The following STK39 variants were observed in gnomAD, a reference collection of about 807,000 sequenced individuals.
The protein encoded by STK39 is STE20/SPS1-related proline-alanine-rich protein kinase.
A neutral mutation model predicts 77.8 loss-of-function variants in STK39; 20 were observed. That is an observed-to-expected ratio of 0.26 (90% CI 0.18 to 0.37). The LOEUF (loss-of-function observed/expected upper bound fraction) is 0.37, where lower values mean the gene tolerates loss of function less well. Ranked by LOEUF, STK39 falls within the 10% of genes least tolerant of loss-of-function variation. STK39 has a pLI of 1.00. For missense variants in STK39, 479 were observed against 656.5 expected (o/e 0.73, Z 2.95); for synonymous variants, 246 against 234.1 (o/e 1.05, Z -0.47).
intron 16 of STK39, among the ~76,000 whole-genome samples, chr2:167,983,477 A>G (rs865862255): frequency 7.6e-6 from 1 of 130,784 alleles, no homozygotes; most frequent in African/African-American, 2.9e-5. Context: ...AAAAGAAATG[A>G]AAGGAAGGAA....
intron 1 of STK39, among the ~76,000 whole-genome samples, chr2:168,230,005 C>A (rs953602099): frequency 6.6e-6 from 1 of 152,144 alleles, no homozygotes; most frequent in African/African-American, 2.4e-5. Flanking sequence ...ACTATAACAA[C>A]GAGAGTGTAC....
intron 2 of STK39, among the ~76,000 whole-genome samples, chr2:168,167,765 A>G (rs138877514): frequency 5.3e-5 from 8 of 152,252 alleles, no homozygotes; most frequent in Admixed American, 3.3e-4. Flanking sequence ...GAGATAAAAG[A>G]CTGGGTGAGT....
At chr2:168,184,534 C>A (rs1270747838) in intron 1 of STK39, among the ~76,000 whole-genome samples, 3 of 151,980 alleles carry the variant, frequency 2.0e-5, no homozygotes, top group East Asian at 3.9e-4. Context: ...GTCCAACCCA[C>A]CCCCTCACTT....
chr2:168,203,928 GACGTGATACTGAGACTGAAC>G (rs1689675761), intron 1 of STK39, among the ~76,000 whole-genome samples: 1 of 152,186 alleles, frequency 6.6e-6, no homozygotes, highest in African/African-American at 2.4e-5. Flanking sequence ...AAATGGTGTT[GACGTGATACTGAGACTGAAC>G]ACCCTGGAAT....
intron 2 of STK39, among the ~76,000 whole-genome samples, chr2:168,169,652 G>GTGTGTGTGTGTGTGTGTGTA: frequency 6.6e-6 from 1 of 152,028 alleles, no homozygotes; most frequent in South Asian, 2.1e-4. Flanking sequence ...GTGTGTGTGT[G>GTGTGTGTGTGTGTGTGTGTA]TGTGTGTGTA....
chr2:168,025,357 T>A (rs1016408609), intron 14 of STK39, among the ~76,000 whole-genome samples: 4 of 152,326 alleles, frequency 2.6e-5, no homozygotes, highest in East Asian at 1.9e-4. Context: ...TACATTTCCC[T>A]TCCTTAGCTC....
chr2:168,212,064 TA>T (rs1178907042), intron 1 of STK39, among the ~76,000 whole-genome samples: 1 of 152,172 alleles, frequency 6.6e-6, no homozygotes, highest in Non-Finnish European at 1.5e-5. Flanking sequence ...ATGGCACCTT[TA>T]AAAAATATCT....
chr2:168,036,964 A>G (rs1347638327), intron 14 of STK39, among the ~76,000 whole-genome samples: 2 of 152,256 alleles, frequency 1.3e-5, no homozygotes, highest in Non-Finnish European at 2.9e-5. Flanking sequence ...CGTTCAGAAT[A>G]ACCTAATTTC....
chr2:168,192,516 G>A (rs373851421), intron 1 of STK39, among the ~76,000 whole-genome samples: 2 of 151,898 alleles, frequency 1.3e-5, no homozygotes, highest in African/African-American at 4.8e-5. Context: ...TCCAAACCCC[G>A]CCCCATTCCA....
chr2:168,243,351 G>T (rs958472888), intron 1 of STK39, among the ~76,000 whole-genome samples: 2 of 152,176 alleles, frequency 1.3e-5, no homozygotes, highest in African/African-American at 4.8e-5. Flanking sequence ...TGAGTAAAAC[G>T]CACCTGAATG....
intron 2 of STK39, among the ~76,000 whole-genome samples, chr2:168,175,788 G>T (rs1036967271): frequency 6.6e-5 from 10 of 152,116 alleles, no homozygotes; most frequent in African/African-American, 2.4e-4. Context: ...TAGTTACAAA[G>T]CTAAGTTGCA....
chr2:168,232,606 T>C (rs1456053381), intron 1 of STK39, among the ~76,000 whole-genome samples: 1 of 152,142 alleles, frequency 6.6e-6, no homozygotes, highest in Non-Finnish European at 1.5e-5. Flanking sequence ...CTATTTCCAA[T>C]GGGCTTTAAG....
chr2:168,204,259 G>A (rs988722008), intron 1 of STK39, among the ~76,000 whole-genome samples: 1 of 152,154 alleles, frequency 6.6e-6, no homozygotes, highest in Non-Finnish European at 1.5e-5. Flanking sequence ...CCGTGGGACA[G>A]GCACCTTAAG....
At chr2:168,227,096 A>G (rs776681644) in intron 1 of STK39, among the ~76,000 whole-genome samples, 39 of 152,208 alleles carry the variant, frequency 2.6e-4, no homozygotes, top group Non-Finnish European at 5.0e-4. Context: ...ATATATATAT[A>G]TTACTTTGAA....
intron 14 of STK39, among the ~76,000 whole-genome samples, chr2:168,035,078 T>C (rs1370704395): frequency 6.6e-6 from 1 of 152,280 alleles, no homozygotes; most frequent in East Asian, 1.9e-4. Flanking sequence ...TCAAAGTTGG[T>C]CGTTAATGAT....
chr2:168,198,917 T>G (rs1442375203), intron 1 of STK39, among the ~76,000 whole-genome samples: 3 of 152,260 alleles, frequency 2.0e-5, no homozygotes, highest in Admixed American at 6.5e-5. Context: ...GAGATTACTA[T>G]ACTGTATTCT....
intron 10 of STK39, among the ~76,000 whole-genome samples, chr2:168,090,291 T>C (rs1559092146): frequency 6.6e-6 from 1 of 151,396 alleles, no homozygotes; most frequent in African/African-American, 2.4e-5. Flanking sequence ...GATACATTTG[T>C]TGAATGAATG....
chr2:167,990,516 T>C (rs376694792), intron 16 of STK39, among the ~76,000 whole-genome samples: 1 of 152,274 alleles, frequency 6.6e-6, no homozygotes, highest in South Asian at 2.1e-4. Flanking sequence ...GCCTGGGTAA[T>C]GTAGTAAAAA....
chr2:168,228,082 TAA>T (rs1690354116), intron 1 of STK39, among the ~76,000 whole-genome samples: 1 of 152,202 alleles, frequency 6.6e-6, no homozygotes, highest in South Asian at 2.1e-4. Flanking sequence ...ACACAGACAT[TAA>T]GAGTAGATTG....
Sources: allele counts gnomAD v4.1 joint callset (sites outside exome capture counted in the v4.1 genomes callset), GRCh38; gene constraint gnomAD v4.1.1; transcripts MANE v1.5; gene names NCBI Gene and HGNC (gene_info 2026-07-23, HGNC 2026-07-21).